The following LMNTD1 variants were observed in gnomAD, a reference collection of about 807,000 sequenced individuals.
The protein encoded by LMNTD1 is lamin tail domain-containing protein 1.
LMNTD1 carries 35 observed loss-of-function variants against 50.9 expected under a neutral mutation model. That is an observed-to-expected ratio of 0.69 (90% confidence interval 0.53 to 0.91). The LOEUF (loss-of-function observed/expected upper bound fraction) is 0.91, where lower values mean the gene tolerates loss of function less well. Ranked by LOEUF, LMNTD1 falls within the 40% of genes least tolerant of loss-of-function variation. LMNTD1 has a pLI of 0.00. For synonymous variants in LMNTD1, 153 were observed against 161.9 expected (o/e 0.94, Z 0.42); for missense variants, 470 against 475.5 (o/e 0.99, Z 0.11).
chr12:25,559,986 G>C (rs983264526), intron 1 of LMNTD1, among the ~76,000 whole-genome samples: 2 of 152,156 alleles, frequency 1.3e-5, no homozygotes, highest in African/African-American at 2.4e-5. Context: ...CTCCCATTCT[G>C]TAAGTTGCCT....
At position 25,513,631 on chromosome 12, in the gene LMNTD1, G is replaced by A. The variant is rs1940495687; in HGVS notation, c.1189+5164C>T. Among the ~76,000 whole-genome samples, 3 of 152,120 alleles carry A rather than the reference G, an allele frequency of 2.0e-5. No individual in the cohort carries two copies. The South Asian group carries it at 6.2e-4, about 32-fold the overall frequency. ...AGCTACAGTGAGAGAGTCAGACTCT[G>A]CTTCAAAAACAAGCAAGCAAACAAA... On this transcript the variant is annotated intron_variant, in intron 8 of 9. Coordinates refer to ENST00000458174, the MANE Select transcript of LMNTD1 (RefSeq NM_001145728.2).
At chr12:25,560,971 T>C (rs1217157830) in intron 1 of LMNTD1, among the ~76,000 whole-genome samples, 3 of 152,224 alleles carry the variant, frequency 2.0e-5, no homozygotes, top group African/African-American at 7.2e-5. Context: ...AATCATGTCA[T>C]CTGCAAACAG....
chr12:25,605,922 G>T (rs1248571049), intron 1 of LMNTD1, among the ~76,000 whole-genome samples: 11 of 152,094 alleles, frequency 7.2e-5, no homozygotes, highest in Non-Finnish European at 7.4e-5. Context: ...AATTACCTTG[G>T]GCAGTATGGC....
intron 9 of LMNTD1, among the ~76,000 whole-genome samples, chr12:25,495,837 C>CTGA (rs1336928504): frequency 6.6e-6 from 1 of 152,174 alleles, no homozygotes; most frequent in African/African-American, 2.4e-5. Context: ...AATCCCAGTG[C>CTGA]TGAGCATTCA....
At chr12:25,494,719 T>C (rs1286412701) in intron 9 of LMNTD1, among the ~76,000 whole-genome samples, 1 of 152,178 alleles carries the variant, frequency 6.6e-6, no homozygotes, top group Non-Finnish European at 1.5e-5. Context: ...ATAAAAATAG[T>C]AAATATTTAC....
At chr12:25,578,600 T>C (rs1263074281) in intron 1 of LMNTD1, among the ~76,000 whole-genome samples, 1 of 152,204 alleles carries the variant, frequency 6.6e-6, no homozygotes, top group Non-Finnish European at 1.5e-5. Flanking sequence ...TCACTACCAC[T>C]GTGTAGACTA....
intron 1 of LMNTD1, among the ~76,000 whole-genome samples, chr12:25,579,120 C>G (rs754840635): frequency 5.9e-5 from 9 of 152,174 alleles, no homozygotes; most frequent in Non-Finnish European, 1.2e-4. Flanking sequence ...GTTTCTCCTT[C>G]CTAGGCTATG....
chr12:25,578,864 G>A (rs761571178), intron 1 of LMNTD1, among the ~76,000 whole-genome samples: 1 of 152,120 alleles, frequency 6.6e-6, no homozygotes, highest in Non-Finnish European at 1.5e-5. Flanking sequence ...GCAAAATTAA[G>A]TTTTAAAATA....
intron 7 of LMNTD1, 55 bp downstream of exon 7, chr12:25,519,803 T>G: frequency 8.9e-7 from 1 of 1,127,364 alleles, no homozygotes. Flanking sequence ...CCCACATGCT[T>G]AGTTACTAAT....
At chr12:25,599,003 G>T (rs151252448) in intron 1 of LMNTD1, among the ~76,000 whole-genome samples, 3 of 151,570 alleles carry the variant, frequency 2.0e-5, no homozygotes, top group Non-Finnish European at 4.4e-5. Flanking sequence ...ATTCTACGAG[G>T]CCAGTATTAT....
intron 2 of LMNTD1, among the ~76,000 whole-genome samples, chr12:25,551,605 G>A (rs1344366362): frequency 6.6e-6 from 1 of 152,120 alleles, no homozygotes; most frequent in African/African-American, 2.4e-5. Flanking sequence ...TGCCCGGGCT[G>A]TCTCTAATAC....
intron 3 of LMNTD1, among the ~76,000 whole-genome samples, chr12:25,546,939 G>A (rs1396267423): frequency 6.6e-6 from 1 of 151,594 alleles, no homozygotes; most frequent in Non-Finnish European, 1.5e-5. Context: ...TCTACTTCAT[G>A]TATGCTAAAA....
intron 1 of LMNTD1, among the ~76,000 whole-genome samples, chr12:25,598,689 T>TA (rs71449923): frequency 0.18 from 26,586 of 149,190 alleles, 2,915 homozygotes; most frequent in East Asian, 0.59. Flanking sequence ...ACTGCAGAAA[T>TA]AAAAAAAAAA....
chr12:25,553,494 G>A (rs1407585230), upstream of LMNTD1, among the ~76,000 whole-genome samples: 1 of 152,094 alleles, frequency 6.6e-6, no homozygotes, highest in Non-Finnish European at 1.5e-5. Flanking sequence ...GTATTTCTAA[G>A]AGTCAAGGCC....
At chr12:25,646,274 G>A (rs563859494) in intron 1 of LMNTD1, among the ~76,000 whole-genome samples, 1 of 151,402 alleles carries the variant, frequency 6.6e-6, no homozygotes, top group Non-Finnish European at 1.5e-5. Context: ...GTCCCTAAAT[G>A]AGTTCCAAAA....
At chr12:25,619,309 C>T (rs1946425665) in intron 1 of LMNTD1, among the ~76,000 whole-genome samples, 1 of 147,746 alleles carries the variant, frequency 6.8e-6, no homozygotes, top group South Asian at 2.1e-4. Context: ...CAACTTTCTA[C>T]TCCAAATAAA....
At chr12:25,480,596 C>G (rs543609776) in intron 9 of LMNTD1, among the ~76,000 whole-genome samples, 2 of 152,270 alleles carry the variant, frequency 1.3e-5, no homozygotes, top group South Asian at 4.1e-4. Context: ...TTTCCAAATA[C>G]CAAGGATGGT....
intron 6 of LMNTD1, among the ~76,000 whole-genome samples, chr12:25,521,467 T>C (rs2136051588): frequency 6.6e-6 from 1 of 152,320 alleles, no homozygotes; most frequent in South Asian, 2.1e-4. Flanking sequence ...TGTGTGCGGC[T>C]TAGCGAACTA....
At chr12:25,569,957 G>A (rs1175400632) in intron 1 of LMNTD1, among the ~76,000 whole-genome samples, 2 of 152,170 alleles carry the variant, frequency 1.3e-5, no homozygotes, top group East Asian at 1.9e-4. Context: ...AATATATGAT[G>A]TATTATTGTC....
Sources: gnomAD v4.1 joint callset for allele counts (sites outside exome capture counted in the v4.1 genomes callset) on GRCh38, gnomAD v4.1.1 for gene constraint, MANE v1.5 for transcripts, NCBI Gene and HGNC (gene_info 2026-07-23, HGNC 2026-07-21) for gene names.